Variants in MARCHF1 observed in about 807,000 individuals in gnomAD.
MARCHF1 encodes E3 ubiquitin-protein ligase MARCHF1.
Under a neutral mutation model 54.2 loss-of-function variants are expected in MARCHF1, and 40 were observed. That is an observed-to-expected ratio of 0.74 (90% confidence interval 0.57 to 0.96). MARCHF1 has a LOEUF of 0.96. Among genes scored for constraint, MARCHF1 ranks in the 40% least tolerant of loss-of-function variants. MARCHF1 has a pLI of 0.00. For synonymous variants in MARCHF1, 236 were observed against 236.3 expected (o/e 1.00, Z 0.01); for missense variants, 586 against 656.5 (o/e 0.89, Z 1.17).
intron 2 of MARCHF1, among the ~76,000 whole-genome samples, chr4:164,079,279 A>AT (rs1487046615): frequency 6.6e-6 from 1 of 152,162 alleles, no homozygotes; most frequent in East Asian, 1.9e-4. Context: ...GAAGACCAAT[A>AT]TTTTAAGAAA....
chr4:164,182,627 G>T (rs1470810423), intron 1 of MARCHF1, among the ~76,000 whole-genome samples: 1 of 151,538 alleles, frequency 6.6e-6, no homozygotes, highest in African/African-American at 2.4e-5. Flanking sequence ...GTATGTGCAA[G>T]AAAAACCAGT....
At chr4:163,767,555 C>G (rs974534429) in intron 4 of MARCHF1, among the ~76,000 whole-genome samples, 1 of 152,034 alleles carries the variant, frequency 6.6e-6, no homozygotes, top group Non-Finnish European at 1.5e-5. Flanking sequence ...AGGATGGTCT[C>G]GATCTCCTGA....
At chr4:164,040,181 C>T (rs1056248682) in intron 2 of MARCHF1, among the ~76,000 whole-genome samples, 5 of 142,350 alleles carry the variant, frequency 3.5e-5, no homozygotes, top group Non-Finnish European at 7.5e-5. Flanking sequence ...TATAAATATA[C>T]AAATATATAT....
chr4:164,359,263 G>C (rs1405931530), intron 1 of MARCHF1, among the ~76,000 whole-genome samples: 2 of 152,164 alleles, frequency 1.3e-5, no homozygotes, highest in African/African-American at 4.8e-5. Flanking sequence ...CTCTATTCAT[G>C]AAAGAATGTT....
intron 3 of MARCHF1, among the ~76,000 whole-genome samples, chr4:163,978,843 TC>T (rs1169475037): frequency 6.6e-6 from 1 of 151,894 alleles, no homozygotes; most frequent in East Asian, 1.9e-4. Context: ...AATCTCAAGC[TC>T]CCAAGTAGCT....
At chr4:164,170,554 A>C (rs1467499615) in intron 1 of MARCHF1, among the ~76,000 whole-genome samples, 2 of 152,096 alleles carry the variant, frequency 1.3e-5, no homozygotes, top group African/African-American at 4.8e-5. Flanking sequence ...CACTTAATAA[A>C]TGTTTACTAA....
chr4:164,269,568 A>G (rs908237775), intron 1 of MARCHF1, among the ~76,000 whole-genome samples: 1 of 152,186 alleles, frequency 6.6e-6, no homozygotes, highest in Non-Finnish European at 1.5e-5. Flanking sequence ...AAATAAATTT[A>G]TTTCTTTGGA....
At chr4:164,034,100 T>TAGAC (rs1753942601) in intron 2 of MARCHF1, among the ~76,000 whole-genome samples, 2 of 146,212 alleles carry the variant, frequency 1.4e-5, no homozygotes, top group South Asian at 2.2e-4. Context: ...GATAGATAGA[T>TAGAC]AGATAGATAG....
intron 8 of MARCHF1, among the ~76,000 whole-genome samples, chr4:163,569,197 C>T (rs1047695434): frequency 6.6e-6 from 1 of 152,114 alleles, no homozygotes; most frequent in Non-Finnish European, 1.5e-5. Flanking sequence ...CAGGGTAAAA[C>T]CTGGATGGCT....
At chr4:163,928,293 T>C (rs1306300052) in intron 3 of MARCHF1, among the ~76,000 whole-genome samples, 4 of 151,950 alleles carry the variant, frequency 2.6e-5, no homozygotes, top group African/African-American at 9.6e-5. Context: ...CACATCAACA[T>C]AGTGCCTTTG....
intron 1 of MARCHF1, among the ~76,000 whole-genome samples, chr4:164,240,146 C>G (rs1732695701): frequency 6.6e-6 from 1 of 152,236 alleles, no homozygotes; most frequent in East Asian, 1.9e-4. Context: ...ACCTGGATTC[C>G]AGTTCTAATG....
intron 9 of MARCHF1, 26 bp from the exon 10 acceptor site, chr4:163,529,072 T>TATCA (rs760569658): frequency 6.4e-7 from 1 of 1,565,946 alleles, no homozygotes; most frequent in South Asian, 1.2e-5. Flanking sequence ...GAGAAAATGT[T>TATCA]ATCACCAAGT....
intron 2 of MARCHF1, among the ~76,000 whole-genome samples, chr4:164,078,869 T>A (rs778304863): frequency 3.3e-5 from 5 of 152,022 alleles, no homozygotes; most frequent in Admixed American, 3.3e-4. Flanking sequence ...TGTATACATA[T>A]GTAACAAACC....
intron 1 of MARCHF1, among the ~76,000 whole-genome samples, chr4:164,352,600 T>C (rs1478285805): frequency 6.7e-6 from 1 of 149,090 alleles, no homozygotes; most frequent in Non-Finnish European, 1.5e-5. Context: ...CTAAAAGAGT[T>C]CCTGAAGGAA....
chr4:164,253,030 A>G (rs546539650), intron 1 of MARCHF1, among the ~76,000 whole-genome samples: 2 of 152,290 alleles, frequency 1.3e-5, no homozygotes, highest in Non-Finnish European at 2.9e-5. Context: ...GTGTATCATG[A>G]AAAGGATTAA....
At chr4:163,606,431 G>A (rs17657444) in intron 7 of MARCHF1, among the ~76,000 whole-genome samples, 13,345 of 152,020 alleles carry the variant, frequency 0.088, 800 homozygotes, top group East Asian at 0.24. Context: ...GTAGGGAAAA[G>A]AGAGCTAACA....
intron 1 of MARCHF1, among the ~76,000 whole-genome samples, chr4:164,167,227 T>A (rs7666473): frequency 0.16 from 23,679 of 151,608 alleles, 2,621 homozygotes; most frequent in African/African-American, 0.3. Flanking sequence ...TCTGTTAGGG[T>A]TGCCCAATAA....
intron 1 of MARCHF1, among the ~76,000 whole-genome samples, chr4:164,130,432 T>C (rs368489567): frequency 3.3e-5 from 5 of 152,180 alleles, no homozygotes; most frequent in Non-Finnish European, 7.4e-5. Context: ...GTTCCCTTTT[T>C]CACTCCTCAA....
chr4:163,656,906 C>T (rs1743165439), intron 5 of MARCHF1, among the ~76,000 whole-genome samples: 1 of 151,782 alleles, frequency 6.6e-6, no homozygotes, highest in African/African-American at 2.4e-5. Flanking sequence ...AGGAACATAC[C>T]TCAAAATAAT....
Sources: allele counts gnomAD v4.1 joint callset (sites outside exome capture counted in the v4.1 genomes callset), GRCh38; gene constraint gnomAD v4.1.1; transcripts MANE v1.5; gene names NCBI Gene and HGNC (gene_info 2026-07-23, HGNC 2026-07-21).